LRRIQ1: variants seen among roughly 807,000 people sequenced by gnomAD.
The protein encoded by LRRIQ1 is leucine rich repeats and IQ motif containing 1, also known as leucine-rich repeat- and IQ domain-containing protein 1.
In LRRIQ1, 210 loss-of-function variants were observed where a neutral mutation model predicts 211.9. The ratio of observed to expected loss-of-function variants is 0.99; its 90% CI spans 0.89 to 1.11. LRRIQ1 has a LOEUF of 1.11. Ranked by LOEUF, LRRIQ1 falls within the 50% of genes most tolerant of loss-of-function variation. LRRIQ1 has a pLI of 0.00. For synonymous variants in LRRIQ1, 699 were observed against 650.1 expected, an observed-to-expected ratio of 1.08 and a Z score of -1.14; for missense variants, 2,136 against 1,939.5, an observed-to-expected ratio of 1.10 and a Z score of -1.90.
chr12:85,191,996 GT>G (rs993533114), intron 24 of LRRIQ1, among the ~76,000 whole-genome samples: 3 of 151,608 alleles, frequency 2.0e-5, no homozygotes, highest in Non-Finnish European at 2.9e-5. Context: ...TTAAAAATTT[GT>G]TTTAAGTATT....
downstream of LRRIQ1, among the ~76,000 whole-genome samples, chr12:85,264,809 C>G (rs1439957146): frequency 6.6e-6 from 1 of 151,934 alleles, no homozygotes; most frequent in Non-Finnish European, 1.5e-5. Context: ...AACATGTGAC[C>G]CACAATGACT....
chr12:85,125,445 T>C (rs1888309099), intron 17 of LRRIQ1, among the ~76,000 whole-genome samples: 1 of 152,180 alleles, frequency 6.6e-6, no homozygotes, highest in South Asian at 2.1e-4. Flanking sequence ...CCTGTCAATT[T>C]CTTCTTGTTC....
chr12:85,250,621 T>A (rs938406238), intron 1 of LRRIQ1, among the ~76,000 whole-genome samples: 1 of 149,190 alleles, frequency 6.7e-6, no homozygotes, highest in Non-Finnish European at 1.5e-5. Flanking sequence ...GCACCTGTAG[T>A]CCCAGCTACT....
At chr12:85,103,951 A>T (rs1886583464) in intron 13 of LRRIQ1, 53 bp from the exon 14 acceptor site, 1 of 1,036,208 alleles carries the variant, frequency 9.7e-7, no homozygotes, top group East Asian at 2.6e-5. Context: ...CAATGGTAAC[A>T]TTAAGGACTT....
intron 6 of LRRIQ1, 95 bp downstream of exon 6, chr12:85,047,565 T>TC: frequency 9.8e-7 from 1 of 1,019,592 alleles, no homozygotes; most frequent in Non-Finnish European, 1.5e-6. Context: ...AGCTTAATAG[T>TC]ATGACTTTTA....
chr12:85,064,024 C>T (rs754219817), intron 8 of LRRIQ1, among the ~76,000 whole-genome samples: 4 of 151,768 alleles, frequency 2.6e-5, no homozygotes, highest in Non-Finnish European at 5.9e-5. Flanking sequence ...CTTCATTATA[C>T]TGATTTCATT....
intron 24 of LRRIQ1, among the ~76,000 whole-genome samples, chr12:85,225,254 G>A (rs1281089864): frequency 6.6e-6 from 1 of 152,062 alleles, no homozygotes. Flanking sequence ...ATAAGCAAAT[G>A]CCATTTCCTA....
intron 11 of LRRIQ1, among the ~76,000 whole-genome samples, chr12:85,091,536 G>T (rs1288437911): frequency 6.6e-6 from 1 of 152,012 alleles, no homozygotes; most frequent in Admixed American, 6.6e-5. Flanking sequence ...TGTTGTTGTT[G>T]TTGCAATTGC....
downstream of LRRIQ1, among the ~76,000 whole-genome samples, chr12:85,248,479 G>A (rs373912489): frequency 3.0e-4 from 46 of 151,442 alleles, no homozygotes; most frequent in African/African-American, 1.0e-3. Context: ...GCATACCCAC[G>A]AGTGGTTTTC....
chr12:85,044,628 T>G (rs1310280675), intron 3 of LRRIQ1, 90 bp from the exon 4 acceptor site: 2 of 584,028 alleles, frequency 3.4e-6, no homozygotes, highest in African/African-American at 3.8e-5. Flanking sequence ...TGATAGAATT[T>G]GAGGTTAAAA....
chr12:85,250,271 T>C (rs970934132), intron 1 of LRRIQ1, among the ~76,000 whole-genome samples: 1 of 151,882 alleles, frequency 6.6e-6, no homozygotes, highest in Non-Finnish European at 1.5e-5. Flanking sequence ...ATTCGACATC[T>C]ATCATATCTT....
chr12:85,145,471 G>A (rs924609378), intron 19 of LRRIQ1, among the ~76,000 whole-genome samples: 2 of 151,594 alleles, frequency 1.3e-5, no homozygotes, highest in African/African-American at 4.8e-5. Flanking sequence ...TTTATTAAGT[G>A]CCAAGAACTA....
chr12:85,072,867 C>G, intron 10 of LRRIQ1, 40 bp from the exon 11 acceptor site: 1 of 1,398,838 alleles, frequency 7.1e-7, no homozygotes, highest in Non-Finnish European at 9.6e-7. Context: ...TTTATTAATT[C>G]GTCTTATATA....
chr12:85,083,385 A>C (rs1225710320), intron 11 of LRRIQ1, among the ~76,000 whole-genome samples: 3 of 152,014 alleles, frequency 2.0e-5, no homozygotes. Flanking sequence ...GGTGAGGATG[A>C]TCAGGCTATC....
intron 17 of LRRIQ1, among the ~76,000 whole-genome samples, chr12:85,126,326 C>T (rs1323288683): frequency 6.6e-6 from 1 of 152,026 alleles, no homozygotes; most frequent in East Asian, 1.9e-4. Flanking sequence ...TTGCATGTGT[C>T]TATAAAGAAA....
chr12:85,083,846 A>G (rs1042956137), intron 11 of LRRIQ1, among the ~76,000 whole-genome samples: 1 of 152,356 alleles, frequency 6.6e-6, no homozygotes, highest in Non-Finnish European at 1.5e-5. Flanking sequence ...GCCAGTATGT[A>G]TGAGCCTTCC....
At chr12:85,179,301 C>T (rs1388569499) in intron 24 of LRRIQ1, among the ~76,000 whole-genome samples, 2 of 151,930 alleles carry the variant, frequency 1.3e-5, no homozygotes, top group Non-Finnish European at 2.9e-5. Context: ...ACTTCAGTGT[C>T]TCTTGCCTTG....
chr12:85,213,014 A>G (rs1471515441), intron 24 of LRRIQ1, among the ~76,000 whole-genome samples: 1 of 151,696 alleles, frequency 6.6e-6, no homozygotes, highest in Non-Finnish European at 1.5e-5. Flanking sequence ...AACTCAAAAT[A>G]TAAGTACTTG....
chr12:85,059,483 C>T (rs994051159), intron 8 of LRRIQ1, among the ~76,000 whole-genome samples: 9 of 152,022 alleles, frequency 5.9e-5, no homozygotes, highest in African/African-American at 1.7e-4. Context: ...AGCTCCCTGC[C>T]GTTGCCTGAC....
Sources: allele counts gnomAD v4.1 joint callset (sites outside exome capture counted in the v4.1 genomes callset), GRCh38; gene constraint gnomAD v4.1.1; transcripts MANE v1.5; gene names NCBI Gene and HGNC (gene_info 2026-07-23, HGNC 2026-07-21).